DEFB125: variants seen among roughly 807,000 people sequenced by gnomAD.
DEFB125 encodes defensin beta 125.
Under a neutral mutation model 11.8 loss-of-function variants are expected in DEFB125, and 11 were observed. The observed-to-expected ratio is 0.94, with a 90% CI of 0.59 to 1.55. The LOEUF is 1.55. Among genes scored for constraint, DEFB125 ranks in the 40% most tolerant of loss-of-function variants. DEFB125 has a pLI of 0.00. For missense variants in DEFB125, 198 were observed against 191.2 expected, an observed-to-expected ratio of 1.04 and a Z score of -0.21; for synonymous variants, 79 against 66.7, an observed-to-expected ratio of 1.18 and a Z score of -0.90.
intron 1 of DEFB125, among the ~76,000 whole-genome samples, chr20:93,929 T>G (rs902955098): frequency 5.9e-5 from 9 of 152,170 alleles, no homozygotes; most frequent in Non-Finnish European, 1.0e-4. Flanking sequence ...GTAATTCCCT[T>G]ATTTGCAGTT....
chr20:95,488 A>G (rs963708091), intron 1 of DEFB125, among the ~76,000 whole-genome samples: 22 of 151,974 alleles, frequency 1.4e-4, no homozygotes, highest in African/African-American at 4.8e-4. Flanking sequence ...GTTTGCTACT[A>G]TTTTGTTCAG....
At chr20:89,780 G>A (rs925075721) in intron 1 of DEFB125, among the ~76,000 whole-genome samples, 1 of 151,810 alleles carries the variant, frequency 6.6e-6, no homozygotes. Flanking sequence ...TGAGTAATGG[G>A]GAAGTCGAAC....
intron 1 of DEFB125, 36 bp downstream of exon 1, chr20:87,803 G>A: frequency 2.5e-6 from 4 of 1,609,014 alleles, no homozygotes; most frequent in Non-Finnish European, 3.4e-6. Context: ...TGATGACTAG[G>A]ATGAGTTGTT....
chr20:88,138 ATTC>A (rs1227001799), intron 1 of DEFB125, among the ~76,000 whole-genome samples: 1 of 152,240 alleles, frequency 6.6e-6, no homozygotes, highest in East Asian at 1.9e-4. Flanking sequence ...ACCATCTTGA[ATTC>A]TTCTTTGCCC....
intron 1 of DEFB125, among the ~76,000 whole-genome samples, chr20:90,971 C>A (rs2054494075): frequency 6.6e-6 from 1 of 152,124 alleles, no homozygotes. Flanking sequence ...TTCTGCAAAC[C>A]ATTTGTCACC....
At chr20:87,803 G>C (rs2054481523) in intron 1 of DEFB125, 36 bp downstream of exon 1, 1 of 1,609,014 alleles carries the variant, frequency 6.2e-7, no homozygotes, top group East Asian at 2.2e-5. Flanking sequence ...TGATGACTAG[G>C]ATGAGTTGTT....
chr20:89,666 A>G (rs1600133688), intron 1 of DEFB125, among the ~76,000 whole-genome samples: 1 of 152,066 alleles, frequency 6.6e-6, no homozygotes, highest in South Asian at 2.1e-4. Context: ...ATTCCTGGAG[A>G]TGTACTTTTT....
At chr20:95,687 T>G (rs890062690) in intron 1 of DEFB125, among the ~76,000 whole-genome samples, 1 of 152,208 alleles carries the variant, frequency 6.6e-6, no homozygotes, top group Non-Finnish European at 1.5e-5. Flanking sequence ...TCTGGTAGAA[T>G]TCAGCTGTGA....
At chr20:90,992 C>T (rs966818273) in intron 1 of DEFB125, among the ~76,000 whole-genome samples, 1 of 152,122 alleles carries the variant, frequency 6.6e-6, no homozygotes, top group African/African-American at 2.4e-5. Flanking sequence ...TTTTCATCTA[C>T]AAAATAATGT....
chr20:88,311 G>A (rs1191210406), intron 1 of DEFB125, among the ~76,000 whole-genome samples: 1 of 152,162 alleles, frequency 6.6e-6, no homozygotes, highest in Non-Finnish European at 1.5e-5. Context: ...AGGATAGACA[G>A]ACTAGTGACC....
chr20:90,042 A>G (rs1268712174), intron 1 of DEFB125, among the ~76,000 whole-genome samples: 3 of 152,218 alleles, frequency 2.0e-5, no homozygotes, highest in Admixed American at 6.5e-5. Flanking sequence ...GTGGACTGGT[A>G]TCCATAGATA....
At chr20:92,565 A>G (rs1042408120) in intron 1 of DEFB125, among the ~76,000 whole-genome samples, 8 of 151,112 alleles carry the variant, frequency 5.3e-5, no homozygotes, top group Non-Finnish European at 3.0e-5. Context: ...GCTAATTTTT[A>G]TATTTTTAGT....
intron 1 of DEFB125, among the ~76,000 whole-genome samples, chr20:88,553 T>C (rs1411956291): frequency 6.6e-6 from 1 of 152,200 alleles, no homozygotes; most frequent in Non-Finnish European, 1.5e-5. Context: ...CAATTTCTTA[T>C]ATATCCTAGC....
intron 1 of DEFB125, among the ~76,000 whole-genome samples, chr20:90,050 A>C (rs2054490745): frequency 6.6e-6 from 1 of 152,202 alleles, no homozygotes; most frequent in Non-Finnish European, 1.5e-5. Context: ...GTATCCATAG[A>C]TATATTTTAA....
At chr20:92,712 ACTATTTTG>A (rs1477659814) in intron 1 of DEFB125, among the ~76,000 whole-genome samples, 1 of 151,682 alleles carries the variant, frequency 6.6e-6, no homozygotes, top group Admixed American at 6.6e-5. Context: ...TTTTTAGACA[ACTATTTTG>A]TCCTGACCTT....
At chr20:90,328 A>T (rs1278716093) in intron 1 of DEFB125, among the ~76,000 whole-genome samples, 1 of 152,194 alleles carries the variant, frequency 6.6e-6, no homozygotes, top group Non-Finnish European at 1.5e-5. Context: ...TACTGCTAAA[A>T]CCAAATTCTT....
intron 1 of DEFB125, among the ~76,000 whole-genome samples, chr20:92,059 T>TATAC (rs761926867): frequency 4.0e-4 from 61 of 152,256 alleles, no homozygotes; most frequent in Non-Finnish European, 7.1e-4. Flanking sequence ...GAGCCTAATA[T>TATAC]ATACATACAT....
chr20:95,220 AT>A (rs1001406425), intron 1 of DEFB125, among the ~76,000 whole-genome samples: 2 of 151,946 alleles, frequency 1.3e-5, no homozygotes, highest in African/African-American at 4.8e-5. Context: ...GATCTGACTT[AT>A]CTTATTGGTC....
intron 1 of DEFB125, among the ~76,000 whole-genome samples, chr20:91,855 T>C (rs1410363634): frequency 6.6e-6 from 1 of 152,212 alleles, no homozygotes; most frequent in African/African-American, 2.4e-5. Context: ...TTAGAGTCTG[T>C]CTTGCACAAA....
Sources: gnomAD v4.1 joint callset for allele counts (sites outside exome capture counted in the v4.1 genomes callset) on GRCh38, gnomAD v4.1.1 for gene constraint, MANE v1.5 for transcripts, NCBI Gene and HGNC (gene_info 2026-07-23, HGNC 2026-07-21) for gene names.